The following ZFAND1 variants were observed in gnomAD, a reference collection of about 807,000 sequenced individuals.
ZFAND1 encodes the protein AN1-type zinc finger protein 1.
ZFAND1 carries 40 observed loss-of-function variants against 38.5 expected under a neutral mutation model. The observed-to-expected ratio is 1.04, with a 90% CI of 0.81 to 1.35. The LOEUF (loss-of-function observed/expected upper bound fraction) is 1.35. ZFAND1 is among the 40% of genes most tolerant of loss of function. The probability of loss-of-function intolerance (pLI) is 0.00; values close to 1 mark genes in which losing one functional copy is unlikely to be tolerated. For synonymous variants in ZFAND1, 117 were observed against 103.6 expected, an observed-to-expected ratio of 1.13 and a Z score of -0.78; for missense variants, 346 against 316.3, an observed-to-expected ratio of 1.09 and a Z score of -0.71.
chr8:81,720,335 A>G (rs1357941895), intron 1 of ZFAND1, among the ~76,000 whole-genome samples: 1 of 152,202 alleles, frequency 6.6e-6, no homozygotes, highest in South Asian at 2.1e-4. Context: ...GCCCATTGCC[A>G]TATTATTAAC....
At chr8:81,713,391 A>G (rs113327152) in intron 6 of ZFAND1, among the ~76,000 whole-genome samples, 8,866 of 152,192 alleles carry the variant, frequency 0.058, 364 homozygotes, top group African/African-American at 0.11. Flanking sequence ...CCAAAGTGCT[A>G]GGATTACAGG....
chr8:81,707,908 C>T (rs1030731391), intron 6 of ZFAND1, among the ~76,000 whole-genome samples: 1 of 152,056 alleles, frequency 6.6e-6, no homozygotes, highest in African/African-American at 2.4e-5. Context: ...AAATTAAGCC[C>T]TCAGCTCACA....
In ZFAND1 at chr8:81,701,909, A is replaced by G. The variant is rs1807825044; in HGVS notation, c.*786T>C. On this transcript the variant is annotated 3_prime_UTR_variant, in exon 8 of 8. Transcript: ENST00000220669. ...TCGTCTAAATATGTTGGTAAAATGT[A>G]GTCATCATTTGGCATGTGTTTTGCT... 1 of 152,204 alleles carries G rather than the reference A, an allele frequency of 6.6e-6. No individual in the cohort carries two copies. Among genetic ancestry groups the G allele is most frequent in the Non-Finnish European group, 1.5e-5 (1 of 68,024 alleles). The allele number at this position is 152,204 out of a possible 1,614,324, so 9.4% of individuals were successfully genotyped here.
intron 3 of ZFAND1, among the ~76,000 whole-genome samples, chr8:81,716,506 TC>T (rs1042261217): frequency 6.6e-6 from 1 of 152,248 alleles, no homozygotes; most frequent in African/African-American, 2.4e-5. Flanking sequence ...ATAGGTTTCT[TC>T]CTGGTTGTCT....
chr8:81,708,021 G>T (rs1425716132), intron 6 of ZFAND1, among the ~76,000 whole-genome samples: 1 of 152,176 alleles, frequency 6.6e-6, no homozygotes, highest in Middle Eastern at 3.2e-3. Context: ...GGCTGAGGCA[G>T]GTGGATCACC....
At chr8:81,705,365 A>ATTG (rs72012520) in intron 6 of ZFAND1, among the ~76,000 whole-genome samples, 1 of 117,928 alleles carries the variant, frequency 8.5e-6, no homozygotes, top group East Asian at 1.0e-3. Context: ...TGAACTTTAA[A>ATTG]AAGACATTTA....
In ZFAND1 at chr8:81,714,878, T is replaced by G. The variant is rs776306945; in HGVS notation, c.284A>C (p.Asp95Ala). The G allele has an allele frequency of 2.2e-5, 36 of 1,613,970 alleles. No individual in the cohort carries two copies. Among genetic ancestry groups the G allele is most frequent in the Non-Finnish European group, 2.9e-5 (34 of 1,179,960 alleles). ...GATTTCCAGTTTTTCACACTCATGA[T>G]CTGACTGATGACGGTGTCTATGAGC... is the stretch of plus-strand genomic sequence containing the variant. ...NFCLRHRHQS[D>A]HECEKLEIPK... is the part of the protein sequence containing the mutation. The change falls in exon 5 of 8, where the codon GAT becomes GCT. Residue 95 changes from aspartate (D) to alanine (A), a missense_variant. Asp to Ala is a moderately radical substitution (Grantham distance 126). Transcript: ENST00000220669.
intron 6 of ZFAND1, among the ~76,000 whole-genome samples, chr8:81,708,248 C>CAAAAAA (rs746812833): frequency 1.6e-5 from 1 of 62,938 alleles, no homozygotes; most frequent in East Asian, 3.7e-4. Flanking sequence ...AAAGCTCCAT[C>CAAAAAA]AAAAAAAAAA....
chr8:81,703,739 A>C (rs1807882192), intron 6 of ZFAND1, among the ~76,000 whole-genome samples: 1 of 152,042 alleles, frequency 6.6e-6, no homozygotes, highest in African/African-American at 2.4e-5. Context: ...TATTTTTTTA[A>C]GTTTTATCAA....
chr8:81,709,058 A>G (rs1406993707), intron 6 of ZFAND1, among the ~76,000 whole-genome samples: 1 of 152,228 alleles, frequency 6.6e-6, no homozygotes, highest in Non-Finnish European at 1.5e-5. Context: ...TCTCACAGAA[A>G]GAAAAGTACC....
intron 5 of ZFAND1, chr8:81,714,347 G>A: frequency 3.7e-6 from 1 of 269,618 alleles, no homozygotes; most frequent in Non-Finnish European, 7.0e-6. Flanking sequence ...ATGCAAGATT[G>A]TAATAAAGGT....
intron 1 of ZFAND1, among the ~76,000 whole-genome samples, chr8:81,720,095 T>C (rs1459448426): frequency 1.3e-5 from 2 of 152,048 alleles, no homozygotes; most frequent in African/African-American, 2.4e-5. Context: ...ATCTCAAGAG[T>C]CTTTGACACG....
Position 81,713,601 on chromosome 8 carries a change from G to A in ZFAND1, c.480+317C>T, listed in dbSNP as rs77983765. On this transcript the variant is annotated intron_variant, in intron 6 of 7. Transcript: ENST00000220669. ...CATATACACAAGGATGGTCACCATA[G>A]ACAGTTTATAATAGCAAAAAATTGA... Among the ~76,000 whole-genome samples, 15 of 152,066 alleles carry A rather than the reference G, an allele frequency of 9.9e-5. No homozygotes were observed. The East Asian group carries it at 2.9e-3, about 29-fold the overall frequency.
At chr8:81,718,810 A>G (rs1046686431) in intron 1 of ZFAND1, among the ~76,000 whole-genome samples, 3 of 151,188 alleles carry the variant, frequency 2.0e-5, no homozygotes, top group Non-Finnish European at 4.4e-5. Flanking sequence ...TCAAATATAT[A>G]TAATTTGATG....
intron 3 of ZFAND1, among the ~76,000 whole-genome samples, chr8:81,716,064 G>C (rs73694733): frequency 6.6e-6 from 1 of 152,144 alleles, no homozygotes; most frequent in African/African-American, 2.4e-5. Flanking sequence ...AACTTCAAAG[G>C]GTCAGATTTT....
At chr8:81,708,423 A>G (rs1401645943) in intron 6 of ZFAND1, among the ~76,000 whole-genome samples, 1 of 152,116 alleles carries the variant, frequency 6.6e-6, no homozygotes. Context: ...GATTTGAAAA[A>G]CAATTTACAA....
intron 1 of ZFAND1, among the ~76,000 whole-genome samples, chr8:81,719,354 C>CACACACACAA (rs1334131156): frequency 6.7e-6 from 1 of 148,604 alleles, no homozygotes; most frequent in Non-Finnish European, 1.5e-5. Flanking sequence ...CACACACACA[C>CACACACACAA]AAATTAGCTG....
In ZFAND1 at chr8:81,701,355, T is replaced by C. The variant is rs1393102776; in HGVS notation, c.*1340A>G. 1 of 152,182 alleles carries C rather than the reference T, an allele frequency of 6.6e-6. No homozygotes were observed. The highest frequency in any genetic ancestry group is 1.5e-5 in the Non-Finnish European group (1 of 68,016). The allele number at this position is 152,182 out of a possible 1,614,324, so 9.4% of individuals were successfully genotyped here. A position where few individuals can be genotyped will look rare whatever the true frequency, so the allele number is the denominator to read the frequency against. On this transcript the variant is annotated 3_prime_UTR_variant, in exon 8 of 8. Coordinates refer to ENST00000220669, the MANE Select transcript of ZFAND1 (RefSeq NM_024699.3). ...ATTAGCATTTTTTAGCAATAAAGTA[T>C]TTTTTTACTTAAAGTATATACATTT...
chr8:81,710,277 T>A (rs527788869), intron 6 of ZFAND1, among the ~76,000 whole-genome samples: 1 of 152,342 alleles, frequency 6.6e-6, no homozygotes, highest in Non-Finnish European at 1.5e-5. Context: ...GGAGTGTGTA[T>A]GTTTTTTCTC....
Sources: allele counts gnomAD v4.1 joint callset (sites outside exome capture counted in the v4.1 genomes callset), GRCh38; gene constraint gnomAD v4.1.1; transcripts MANE v1.5; gene names NCBI Gene and HGNC (gene_info 2026-07-23, HGNC 2026-07-21).